The following OTOGL variants were observed in gnomAD, a reference collection of about 807,000 sequenced individuals.
The protein encoded by OTOGL is otogelin like, also known as otogelin-like protein.
OTOGL carries 285 observed loss-of-function variants against 318.5 expected under a neutral mutation model. The observed-to-expected ratio is 0.89, with a 90% confidence interval of 0.81 to 0.99. The LOEUF is 0.99. Among genes scored for constraint, OTOGL ranks in the 50% least tolerant of loss-of-function variants. The probability of loss-of-function intolerance (pLI) is 0.00; values close to 1 mark genes in which losing one functional copy is unlikely to be tolerated. For synonymous variants in OTOGL, 987 were observed against 936.5 expected (o/e 1.05, Z -0.99); for missense variants, 2,899 against 2,845.6 (o/e 1.02, Z -0.43).
chr12:80,305,300 T>A (rs1160208342), intron 28 of OTOGL, among the ~76,000 whole-genome samples: 2 of 152,222 alleles, frequency 1.3e-5, no homozygotes, highest in Admixed American at 6.5e-5. Flanking sequence ...TTTTCAAAGT[T>A]ATTTATGTTA....
chr12:80,354,198 A>C (rs1226519641), intron 46 of OTOGL, among the ~76,000 whole-genome samples: 1 of 152,164 alleles, frequency 6.6e-6, no homozygotes, highest in Non-Finnish European at 1.5e-5. Flanking sequence ...ATCTTTCCCT[A>C]AAGTACAGAT....
At chr12:80,301,769 G>T (rs1401122673) in intron 27 of OTOGL, among the ~76,000 whole-genome samples, 2 of 152,126 alleles carry the variant, frequency 1.3e-5, no homozygotes, top group Non-Finnish European at 2.9e-5. Flanking sequence ...TATCCATGAG[G>T]GTTAGGTCCC....
At chr12:80,133,338 T>C (rs1592480206) in intron 1 of OTOGL, among the ~76,000 whole-genome samples, 1 of 152,204 alleles carries the variant, frequency 6.6e-6, no homozygotes, top group East Asian at 1.9e-4. Context: ...TCCTGAACTT[T>C]AAAATTTTTG....
intron 1 of OTOGL, among the ~76,000 whole-genome samples, chr12:80,108,787 GTATA>G (rs1189455568): frequency 1.9e-4 from 20 of 106,222 alleles, no homozygotes; most frequent in Admixed American, 3.0e-4. Context: ...ATATATATAT[GTATA>G]TATATATATG....
intron 32 of OTOGL, among the ~76,000 whole-genome samples, chr12:80,314,782 T>A (rs1886867580): frequency 6.6e-6 from 1 of 152,188 alleles, no homozygotes; most frequent in Non-Finnish European, 1.5e-5. Context: ...TTGATACATG[T>A]ACACATTGTG....
intron 52 of OTOGL, among the ~76,000 whole-genome samples, chr12:80,365,769 T>G (rs1890491061): frequency 6.6e-6 from 1 of 152,106 alleles, no homozygotes; most frequent in South Asian, 2.1e-4. Context: ...TGAGGAAAAA[T>G]GCCTTTTATG....
Position 80,345,118 on chromosome 12 carries a change from T to TGA in OTOGL, c.5265+2956_5265+2957insGA, listed in dbSNP as rs200312256. On this transcript the variant is annotated intron_variant, in intron 44 of 58. Transcript: ENST00000547103. Reference sequence around the variant, plus strand: ...ATTTTATATATTATAATATATATTATTATGTTATATATTATAATATATATT... The same window carrying TGA: ...ATTTTATATATTATAATATATATTATGATATGTTATATATTATAATATATATT... Among the ~76,000 whole-genome samples, 160 of 104,116 alleles carry TGA rather than the reference T, an allele frequency of 1.5e-3. 11 individuals carry two copies. The South Asian group carries it at 0.039, about 26-fold the overall frequency. The allele number at this position is 104,116 out of a possible 152,430, so 68.3% of individuals were successfully genotyped here.
intron 1 of OTOGL, among the ~76,000 whole-genome samples, chr12:80,102,247 T>A (rs1869183955): frequency 6.6e-6 from 1 of 152,222 alleles, no homozygotes; most frequent in Non-Finnish European, 1.5e-5. Flanking sequence ...TCAATCAGCT[T>A]ATTTATCTAT....
At chr12:80,309,248 G>A (rs959477076) in intron 29 of OTOGL, among the ~76,000 whole-genome samples, 2 of 152,104 alleles carry the variant, frequency 1.3e-5, no homozygotes, top group Admixed American at 1.3e-4. Context: ...GGAAAATTTC[G>A]AGGTGGAAAA....
At chr12:80,343,521 T>G (rs1348787260) in intron 44 of OTOGL, 6 of 131,130 alleles carry the variant, frequency 4.6e-5, no homozygotes, top group South Asian at 4.8e-4. Context: ...TTTTTTTTTT[T>G]TTTTTTTTTT....
At chr12:80,300,155 G>A (rs1322323657) in intron 27 of OTOGL, among the ~76,000 whole-genome samples, 1 of 151,448 alleles carries the variant, frequency 6.6e-6, no homozygotes, top group Non-Finnish European at 1.5e-5. Context: ...GTCAAAACAG[G>A]GAAAAAGTTT....
chr12:80,347,700 T>C (rs1889284594), intron 44 of OTOGL, among the ~76,000 whole-genome samples: 1 of 152,190 alleles, frequency 6.6e-6, no homozygotes, highest in Non-Finnish European at 1.5e-5. Context: ...ATTGCCACAC[T>C]GTCTTCCATA....
chr12:80,132,468 G>A (rs1028462397), intron 1 of OTOGL: 7 of 151,758 alleles, frequency 4.6e-5, no homozygotes, highest in Admixed American at 2.0e-4. Flanking sequence ...TTTATCTGCC[G>A]GGAGGTAAAC....
rs1434306943 is a variant in OTOGL, at chr12:80,293,726, CT to C, written c.2929-3099del. On this transcript the variant is annotated intron_variant, in intron 26 of 58. Coordinates refer to ENST00000547103, the MANE Select transcript of OTOGL (RefSeq NM_001378609.3). ...TTTACATGTTTATTCACCCTCAGATCTTCCTGCAAAACATTAAAAAAAATCA... is the reference window on the plus strand; with the variant it reads ...TTTACATGTTTATTCACCCTCAGATCTCCTGCAAAACATTAAAAAAAATCA... Among the ~76,000 whole-genome samples the C allele has an allele frequency of 4.0e-5, 6 of 151,564 alleles. No homozygotes were observed. The East Asian group carries it at 1.2e-3, about 29-fold the overall frequency.
intron 1 of OTOGL, among the ~76,000 whole-genome samples, chr12:80,117,293 C>T (rs1032896281): frequency 1.1e-4 from 17 of 152,062 alleles, no homozygotes; most frequent in Non-Finnish European, 2.2e-4. Context: ...TGGAACTCAT[C>T]GTGTTCTTTA....
At position 80,278,204 on chromosome 12, in the gene OTOGL, A is replaced by C. The variant is rs1883950845; in HGVS notation, c.2718A>C (p.Glu906Asp). 6 of 1,546,926 alleles carry C rather than the reference A, an allele frequency of 3.9e-6. No individual in the cohort carries two copies. In the East Asian group the frequency reaches 1.2e-4, roughly 32 times the overall value. ...AEHRGKCYVP[E>D]SCPCIWKDWE... ...ACAGAGGAAAGTGTTATGTTCCTGAAAGCTGCCCATGTATTTGGAAAGATT... is the reference window on the plus strand; with the variant it reads ...ACAGAGGAAAGTGTTATGTTCCTGACAGCTGCCCATGTATTTGGAAAGATT... The change falls in exon 25 of 59, where the codon GAA (glutamate) becomes GAC (aspartate). Residue 906 changes from glutamate to aspartate, a missense_variant. Glu to Asp is a conservative substitution (Grantham distance 45, BLOSUM62 2). Around this residue, in one of 3 missense-constraint regions of OTOGL, gnomAD observed 2,607 missense variants for 2,524.9 expected, o/e 1.03. Transcript: ENST00000547103.
intron 1 of OTOGL, among the ~76,000 whole-genome samples, chr12:80,117,400 ACTC>A (rs1870234462): frequency 6.6e-6 from 1 of 152,032 alleles, no homozygotes; most frequent in Non-Finnish European, 1.5e-5. Flanking sequence ...GTAAACTTTG[ACTC>A]CTATTTCTTA....
intron 9 of OTOGL, among the ~76,000 whole-genome samples, chr12:80,235,855 T>A (rs1368106180): frequency 2.0e-5 from 3 of 152,136 alleles, no homozygotes; most frequent in Non-Finnish European, 2.9e-5. Flanking sequence ...AGTAATTTTT[T>A]AAAAAAACCT....
At chr12:80,312,270 A>AT (rs1228974921) in intron 30 of OTOGL, among the ~76,000 whole-genome samples, 1 of 152,208 alleles carries the variant, frequency 6.6e-6, no homozygotes, top group Admixed American at 6.5e-5. Flanking sequence ...AAACATTACG[A>AT]TAGACCGGAT....
Sources: gnomAD v4.1 joint callset for allele counts (sites outside exome capture counted in the v4.1 genomes callset) on GRCh38, gnomAD v4.1.1 for gene constraint, gnomAD v4.1.1 regional missense constraint, MANE v1.5 for transcripts, NCBI Gene and HGNC (gene_info 2026-07-23, HGNC 2026-07-21) for gene names.